PLB1: variants seen among roughly 807,000 people sequenced by gnomAD.
PLB1 encodes phospholipase B1.
A neutral mutation model predicts 227.4 loss-of-function variants in PLB1; 242 were observed. That is an observed-to-expected ratio of 1.06 (90% CI 0.96 to 1.18). The LOEUF is 1.18. Ranked by LOEUF, PLB1 falls within the 50% of genes most tolerant of loss-of-function variation. The pLI, the probability that PLB1 is intolerant of heterozygous loss-of-function variation, is 0.00. For synonymous variants in PLB1, 757 were observed against 682.2 expected, an observed-to-expected ratio of 1.11 and a Z score of -1.71; for missense variants, 1,858 against 1,816.3, an observed-to-expected ratio of 1.02 and a Z score of -0.42.
chr2:28,631,453 AG>A (rs1395224483), intron 54 of PLB1, among the ~76,000 whole-genome samples: 1 of 152,234 alleles, frequency 6.6e-6, no homozygotes, highest in East Asian at 1.9e-4. Flanking sequence ...AAAGCCCCAA[AG>A]GGTTCTCATG....
At position 28,581,972 on chromosome 2, in the gene PLB1, A is replaced by C; in HGVS notation, c.1567-96A>C. 4.7e-6 allele frequency: 6 copies of C among 1,268,056 alleles called. 1 individual carries two copies. The highest frequency in any genetic ancestry group is 6.7e-6 in the Non-Finnish European group (6 of 899,234). 78.6% of individuals were successfully genotyped at this position (1,268,056 alleles called of 1,614,324 possible). On this transcript the variant is annotated intron_variant, in intron 23 of 57. Coordinates refer to ENST00000327757, the MANE Select transcript of PLB1 (RefSeq NM_153021.5). ...TGAGATCCTATCTCAAAAAAAGAAA[A>C]AAAAAAAAGAAGGGGACCCAAGAGA...
At chr2:28,632,198 A>AAATACACTTAGAGAAGCCAC in intron 55 of PLB1, 58 bp downstream of exon 55, 1 of 1,306,560 alleles carries the variant, frequency 7.7e-7, no homozygotes, top group Non-Finnish European at 1.1e-6. Flanking sequence ...CAGACGATGG[A>AAATACACTTAGAGAAGCCAC]TGTATTTCCT....
Position 28,529,786 on chromosome 2 carries a change from A to G in PLB1, c.468+7A>G. 1 of 1,614,012 alleles carries G rather than the reference A, an allele frequency of 6.2e-7. No homozygotes were observed. The highest frequency in any genetic ancestry group is 8.5e-7 in the Non-Finnish European group (1 of 1,179,892). ...AAACATGAAAGAGAACCTGGTAAGC[A>G]TCCGTCCAACTCTGGCATGGCTGGG... On this transcript the variant is annotated splice_region_variant and intron_variant, in intron 8 of 57. Transcript: ENST00000327757.
Position 28,642,841 on chromosome 2 carries a change from C to G in PLB1, c.4174-17C>G. On this transcript the variant is annotated splice_polypyrimidine_tract_variant and intron_variant, in intron 57 of 57. Transcript: ENST00000327757. Reference sequence around the variant, plus strand: ...TCACGGAGATCCTTTCCACTGACCCCCGCTCCTCCTCCACAGGAGAGCCCT... The same window carrying G: ...TCACGGAGATCCTTTCCACTGACCCGCGCTCCTCCTCCACAGGAGAGCCCT... 1 of 1,566,828 alleles carries G rather than the reference C, an allele frequency of 6.4e-7. No individual in the cohort carries two copies. The highest frequency in any genetic ancestry group is 8.7e-7 in the Non-Finnish European group (1 of 1,151,686).
At chr2:28,563,417 C>T (rs879399009) in intron 18 of PLB1, among the ~76,000 whole-genome samples, 9 of 152,122 alleles carry the variant, frequency 5.9e-5, no homozygotes, top group East Asian at 5.8e-4. Flanking sequence ...AGCTGGTCAG[C>T]GGTGGGGCAG....
At chr2:28,602,987 T>A in intron 39 of PLB1, 66 bp downstream of exon 39, 1 of 1,371,016 alleles carries the variant, frequency 7.3e-7, no homozygotes, top group Non-Finnish European at 1.0e-6. Flanking sequence ...CCACATGCAG[T>A]GGTGATGCCT....
chr2:28,642,078 G>C (rs35842642), intron 57 of PLB1, among the ~76,000 whole-genome samples: 8,853 of 152,152 alleles, frequency 0.058, 364 homozygotes, highest in Non-Finnish European at 0.091. Context: ...CTCCCTCCAG[G>C]TCCAGATGTT....
In PLB1 at chr2:28,590,322, C is replaced by G. The variant is rs140167312; in HGVS notation, c.2088+246C>G. On this transcript the variant is annotated intron_variant, in intron 29 of 57. Coordinates refer to ENST00000327757, the MANE Select transcript of PLB1 (RefSeq NM_153021.5). ...CCCTCACACATGTCTGGGGTGGAGA[C>G]AACTCTTTGGGGCAGGCAAGATGAG... Among the ~76,000 whole-genome samples, 1,175 of 152,218 alleles carry G rather than the reference C, an allele frequency of 7.7e-3. 22 individuals are homozygous for G. Among genetic ancestry groups the G allele is most frequent in the African/African-American group, 0.027 (1,124 of 41,524 alleles).
intron 51 of PLB1, 37 bp from the exon 52 acceptor site, chr2:28,628,526 A>G (rs779741337): frequency 6.9e-6 from 11 of 1,597,304 alleles, no homozygotes; most frequent in African/African-American, 5.4e-5. Flanking sequence ...CAGAGCGGGC[A>G]CCAGGGGCTA....
intron 49 of PLB1, among the ~76,000 whole-genome samples, chr2:28,623,710 G>A (rs1687352476): frequency 6.6e-6 from 1 of 152,130 alleles, no homozygotes; most frequent in African/African-American, 2.4e-5. Context: ...CACTTTCATT[G>A]GCTATATCCC....
intron 17 of PLB1, among the ~76,000 whole-genome samples, chr2:28,559,557 A>G (rs1404987624): frequency 2.6e-5 from 4 of 152,126 alleles, no homozygotes; most frequent in Non-Finnish European, 5.9e-5. Flanking sequence ...GTCTCCATGA[A>G]AGGAGACGAG....
chr2:28,615,392 T>C (rs183301574), intron 44 of PLB1, among the ~76,000 whole-genome samples: 169 of 152,290 alleles, frequency 1.1e-3, no homozygotes, highest in African/African-American at 3.7e-3. Context: ...TTCACGTCTT[T>C]CAAAGATCTC....
intron 35 of PLB1, among the ~76,000 whole-genome samples, chr2:28,600,035 G>A (rs113379603): frequency 0.25 from 38,155 of 151,910 alleles, 5,097 homozygotes; most frequent in East Asian, 0.4. Context: ...AGCCTCCCTA[G>A]TAGTTGGGAC....
chr2:28,613,006 A>G (rs1325833034), intron 43 of PLB1, among the ~76,000 whole-genome samples: 2 of 152,106 alleles, frequency 1.3e-5, no homozygotes, highest in South Asian at 2.1e-4. Flanking sequence ...TGTAACCACA[A>G]ACTCCTGGGT....
At chr2:28,503,320 TA>T (rs1344134725) in intron 1 of PLB1, among the ~76,000 whole-genome samples, 112 of 146,164 alleles carry the variant, frequency 7.7e-4, no homozygotes, top group Admixed American at 6.8e-4. Flanking sequence ...ACCTGTTAAT[TA>T]AAAAAAAAAA....
Position 28,633,006 on chromosome 2 carries a change from TGCCGAGA to T in PLB1, c.4066_4072del (p.Ala1356TrpfsTer94). The T allele has an allele frequency of 6.2e-7, 1 of 1,609,762 alleles. No homozygotes were observed. The highest frequency in any genetic ancestry group is 1.4e-5 in the African/African-American group (1 of 71,002). On this transcript the variant is annotated frameshift_variant, in exon 56 of 58. Transcript: ENST00000327757. LOFTEE classifies it high-confidence loss of function. ...GTTTTCACTTCTCAGACCGCGGGCATGCCGAGATGGCCATCGCACTCTGGAACAACAT... is the reference window on the plus strand; with the variant it reads ...GTTTTCACTTCTCAGACCGCGGGCATTGGCCATCGCACTCTGGAACAACAT...
At chr2:28,637,461 C>T (rs1226901403) in intron 56 of PLB1, among the ~76,000 whole-genome samples, 2 of 152,146 alleles carry the variant, frequency 1.3e-5, no homozygotes, top group African/African-American at 2.4e-5. Flanking sequence ...GAACCGCTGC[C>T]TTAGATCTGG....
chr2:28,497,544 C>T (rs1362893974), intron 1 of PLB1, among the ~76,000 whole-genome samples: 1 of 152,060 alleles, frequency 6.6e-6, no homozygotes, highest in Non-Finnish European at 1.5e-5. Context: ...TCTGAGGGGT[C>T]CTGAGTTGGA....
rs118094239 is a variant in PLB1 at position 28,612,747 on chromosome 2, T to G, written c.3130-1284T>G. Among the ~76,000 whole-genome samples the G allele has an allele frequency of 1.6e-4, 24 of 151,236 alleles. No homozygotes were observed. The East Asian group carries it at 4.3e-3, about 27-fold the overall frequency. On this transcript the variant is annotated intron_variant, in intron 43 of 57. Transcript: ENST00000327757. ...CCTCAACCTCTCAAGTAGCTGAGAT[T>G]ACAGATGTGTACCACACCTGGATTT...
Sources: allele counts gnomAD v4.1 joint callset (sites outside exome capture counted in the v4.1 genomes callset), GRCh38; gene constraint gnomAD v4.1.1; transcripts MANE v1.5; gene names NCBI Gene and HGNC (gene_info 2026-07-23, HGNC 2026-07-21).